The following DDI2 variants were observed in gnomAD, a reference collection of about 807,000 sequenced individuals.
DDI2 encodes the protein protein DDI1 homolog 2.
Under a neutral mutation model 48.1 loss-of-function variants are expected in DDI2, and 5 were observed. The ratio of observed to expected loss-of-function variants is 0.10; its 90% confidence interval spans 0.05 to 0.22. The LOEUF is 0.22. DDI2 is among the 10% of genes least tolerant of loss of function. DDI2 has a pLI of 1.00. For missense variants in DDI2, 285 were observed against 506.2 expected (o/e 0.56, Z 4.19); for synonymous variants, 205 against 183.6 (o/e 1.12, Z -0.94).
Position 15,667,845 on chromosome 1 carries a change from CTG to C in DDI2, c.*8056_*8057del, listed in dbSNP as rs1261322099. 1 of 152,148 alleles carries C rather than the reference CTG, an allele frequency of 6.6e-6. No individual in the cohort carries two copies. The highest frequency in any genetic ancestry group is 1.5e-5 in the Non-Finnish European group (1 of 68,046). 9.4% of individuals were successfully genotyped at this position (152,148 alleles called of 1,614,324 possible). A position where few individuals can be genotyped will look rare whatever the true frequency, so the allele number is the denominator to read the frequency against. On this transcript the variant is annotated 3_prime_UTR_variant, in exon 10 of 10. Coordinates refer to ENST00000480945, the MANE Select transcript of DDI2 (RefSeq NM_032341.5). ...ATTGATGATTGGTAATCTAGACCCT[CTG>C]GAGGCTGTAGAATGTGAAAAGATAC...
At chr1:15,633,939 A>G (rs1447471993) in intron 4 of DDI2, 2 of 417,004 alleles carry the variant, frequency 4.8e-6, no homozygotes, top group Admixed American at 6.0e-5. Flanking sequence ...TTCTTTAGAC[A>G]TATTGTATAA....
intron 5 of DDI2, among the ~76,000 whole-genome samples, chr1:15,640,341 T>G (rs912579368): frequency 1.4e-4 from 22 of 152,324 alleles, no homozygotes; most frequent in Middle Eastern, 3.4e-3. Flanking sequence ...AATTCCTGTT[T>G]TATCCATAAG....
At position 15,664,896 on chromosome 1, in the gene DDI2, T is replaced by C. The variant is rs2148311261; in HGVS notation, c.*5106T>C. 1 of 152,330 alleles carries C rather than the reference T, an allele frequency of 6.6e-6. No individual in the cohort carries two copies. The highest frequency in any genetic ancestry group is 2.1e-4 in the South Asian group (1 of 4,824). The allele number at this position is 152,330 out of a possible 1,614,324, so 9.4% of individuals were successfully genotyped here. On this transcript the variant is annotated 3_prime_UTR_variant, in exon 10 of 10. Transcript: ENST00000480945. ...TGCTGTTAAGAATTATTTCCACTCA[T>C]ACCTGTTCAGGGCTCCAGACAGCCA...
At chr1:15,658,509 T>TC (rs1467159835) in intron 9 of DDI2, among the ~76,000 whole-genome samples, 1 of 151,348 alleles carries the variant, frequency 6.6e-6, no homozygotes, top group Non-Finnish European at 1.5e-5. Flanking sequence ...TTGCCTGTAA[T>TC]CCAAGCACTT....
chr1:15,618,631 A>C (rs1639605159), intron 1 of DDI2, among the ~76,000 whole-genome samples: 1 of 152,214 alleles, frequency 6.6e-6, no homozygotes, highest in African/African-American at 2.4e-5. Flanking sequence ...GCTTGCTGGA[A>C]AGAAGTTCAG....
intron 3 of DDI2, among the ~76,000 whole-genome samples, chr1:15,632,521 G>A (rs768870575): frequency 4.6e-5 from 7 of 151,884 alleles, no homozygotes; most frequent in Admixed American, 1.3e-4. Context: ...CAACAAGAGC[G>A]AAACTCCATC....
rs77728837 is a variant in DDI2 at position 15,619,915 on chromosome 1, G to A, written c.138+2107G>A. Reference sequence around the variant, plus strand: ...TTTCCATTCCTGCACTTTTTGTGATGGCTGAAACAAGAAATTTAAGTCAAA... The same window carrying A: ...TTTCCATTCCTGCACTTTTTGTGATAGCTGAAACAAGAAATTTAAGTCAAA... On this transcript the variant is annotated intron_variant, in intron 1 of 9. Transcript: ENST00000480945. 1.1e-3 allele frequency among the ~76,000 whole-genome samples: 172 copies of A among 152,062 alleles called. 1 individual carries two copies. Among genetic ancestry groups the A allele is most frequent in the African/African-American group, 3.9e-3 (163 of 41,494 alleles).
chr1:15,626,394 G>C (rs914400297), intron 1 of DDI2, among the ~76,000 whole-genome samples: 1 of 152,230 alleles, frequency 6.6e-6, no homozygotes, highest in African/African-American at 2.4e-5. Flanking sequence ...CTCAGGTAGA[G>C]AAAACAAGAG....
At position 15,657,193 on chromosome 1, in the gene DDI2, T is replaced by A. The variant is rs183243994; in HGVS notation, c.*46+514T>A. 2.2e-3 allele frequency among the ~76,000 whole-genome samples: 341 copies of A among 152,362 alleles called. 1 individual carries two copies. Among genetic ancestry groups the A allele is most frequent in the Non-Finnish European group, 4.4e-3 (297 of 68,030 alleles). ...CTCTGAACAACAGGAACTAAGACTT[T>A]GCTTTTCCTTCTGTCTCTGGCCTGA... On this transcript the variant is annotated intron_variant, in intron 9 of 9. Transcript: ENST00000480945.
At chr1:15,637,454 G>A (rs1222835373) in intron 4 of DDI2, among the ~76,000 whole-genome samples, 11 of 152,136 alleles carry the variant, frequency 7.2e-5, no homozygotes, top group African/African-American at 2.2e-4. Context: ...TGCAACCTCC[G>A]CCCCCCGGGT....
rs772990709 is a variant in DDI2 at position 15,652,058 on chromosome 1, C to CTTTTTTTT, written c.1183+180_1183+187dup. On this transcript the variant is annotated intron_variant, in intron 8 of 9. Coordinates refer to ENST00000480945, the MANE Select transcript of DDI2 (RefSeq NM_032341.5). ...TTCTTAACCTCCTTCTTTGATCTTC[C>CTTTTTTTT]TTTTTTTTTTTTTTTTTTTTTTTTG... Among the ~76,000 whole-genome samples, 21 of 75,976 alleles carry CTTTTTTTT rather than the reference C, an allele frequency of 2.8e-4. 4 individuals are homozygous for CTTTTTTTT. Among genetic ancestry groups the CTTTTTTTT allele is most frequent in the African/African-American group, 1.4e-3 (21 of 15,220 alleles). 49.8% of individuals were successfully genotyped at this position (75,976 alleles called of 152,430 possible). A position where few individuals can be genotyped will look rare whatever the true frequency, so the allele number is the denominator to read the frequency against.
In DDI2 at chr1:15,661,039, A is replaced by G. The variant is rs776304901; in HGVS notation, c.*1249A>G. The G allele has an allele frequency of 1.2e-6, 2 of 1,614,074 alleles. No individual in the cohort carries two copies. Among genetic ancestry groups the G allele is most frequent in the African/African-American group, 2.7e-5 (2 of 74,938 alleles). On this transcript the variant is annotated 3_prime_UTR_variant, in exon 10 of 10. Transcript: ENST00000480945. ...AGAAACCATAGCTGAGGGCCAAACC[A>G]GTATTAAAGACCTTTCTGAAAGATG...
chr1:15,645,078 C>T (rs1251817707), intron 6 of DDI2, among the ~76,000 whole-genome samples: 2 of 152,176 alleles, frequency 1.3e-5, no homozygotes, highest in East Asian at 1.9e-4. Context: ...TTAGTAGAGA[C>T]GAGGTTTCTC....
At chr1:15,626,547 G>A (rs764951392) in intron 1 of DDI2, 122 bp from the exon 2 acceptor site, 5 of 1,378,828 alleles carry the variant, frequency 3.6e-6, no homozygotes, top group Non-Finnish European at 4.9e-6. Flanking sequence ...TGGATGTGGT[G>A]GGAATCCACT....
rs775697386 is a variant in DDI2 at position 15,668,459 on chromosome 1, G to A, written c.*8669G>A. On this transcript the variant is annotated 3_prime_UTR_variant, in exon 10 of 10. Transcript: ENST00000480945. Reference sequence around the variant, plus strand: ...TATATTGATTGAATTTTATTTTTTCGCTTTGTATCTACAACAGAAATTGAT... The same window carrying A: ...TATATTGATTGAATTTTATTTTTTCACTTTGTATCTACAACAGAAATTGAT... 3.3e-5 allele frequency: 5 copies of A among 151,934 alleles called. No homozygotes were observed. Among genetic ancestry groups the A allele is most frequent in the South Asian group, 2.1e-4 (1 of 4,814 alleles). The allele number at this position is 151,934 out of a possible 1,614,324, so 9.4% of individuals were successfully genotyped here. A position where few individuals can be genotyped will look rare whatever the true frequency, so the allele number is the denominator to read the frequency against.
Position 15,647,807 on chromosome 1 carries a change from CA to C in DDI2, c.890-1907del, listed in dbSNP as rs200605150. ...CGAAACCACATCTCTACTAAAACTA[CA>C]AAAAATTAGCCGGTTGTCATGACCG... On this transcript the variant is annotated intron_variant, in intron 6 of 9. Transcript: ENST00000480945. Among the ~76,000 whole-genome samples, 1,333 of 152,026 alleles carry C rather than the reference CA, an allele frequency of 8.8e-3. 18 individuals are homozygous for C. Among genetic ancestry groups the C allele is most frequent in the African/African-American group, 0.029 (1,221 of 41,432 alleles).
At chr1:15,630,020 C>T (rs1263530877) in intron 2 of DDI2, among the ~76,000 whole-genome samples, 2 of 152,092 alleles carry the variant, frequency 1.3e-5, no homozygotes, top group African/African-American at 2.4e-5. Context: ...GTGTGAGCCA[C>T]CACGCCTGGC....
At chr1:15,653,277 A>T (rs1360488346) in intron 8 of DDI2, among the ~76,000 whole-genome samples, 8 of 94,482 alleles carry the variant, frequency 8.5e-5, no homozygotes, top group Admixed American at 9.3e-5. Context: ...TATTTATTTT[A>T]TTTTATTTTA....
At chr1:15,638,661 C>T (rs749627289) in intron 5 of DDI2, among the ~76,000 whole-genome samples, 2 of 151,420 alleles carry the variant, frequency 1.3e-5, no homozygotes, top group East Asian at 1.9e-4. Context: ...CGGCCTCCCA[C>T]GTAGCTGGGA....
Sources: allele counts gnomAD v4.1 joint callset (sites outside exome capture counted in the v4.1 genomes callset), GRCh38; gene constraint gnomAD v4.1.1; transcripts MANE v1.5; gene names NCBI Gene and HGNC (gene_info 2026-07-23, HGNC 2026-07-21).